ZSCAN5A: variants seen among roughly 807,000 people sequenced by gnomAD.
ZSCAN5A encodes the protein zinc finger and SCAN domain-containing protein 5A.
ZSCAN5A carries 12 observed loss-of-function variants against 23.7 expected under a neutral mutation model. The observed-to-expected ratio is 0.51, with a 90% CI of 0.32 to 0.82. The LOEUF is 0.82. Ranked by LOEUF, ZSCAN5A falls within the 40% of genes least tolerant of loss-of-function variation. The probability of loss-of-function intolerance (pLI) is 0.03; values close to 1 mark genes in which losing one functional copy is unlikely to be tolerated. For missense variants in ZSCAN5A, 597 were observed against 617.9 expected (o/e 0.97, Z 0.36); for synonymous variants, 257 against 239.9 (o/e 1.07, Z -0.66).
intron 2 of ZSCAN5A, chr19:56,347,832 CA>C (rs1243886078): frequency 1.3e-5 from 2 of 152,266 alleles, no homozygotes; most frequent in Non-Finnish European, 2.9e-5. Context: ...TAATATGGAC[CA>C]GGAGGAGGAT....
At chr19:56,245,868 T>C (rs1359573785) in intron 2 of ZSCAN5A, among the ~76,000 whole-genome samples, 2 of 151,954 alleles carry the variant, frequency 1.3e-5, no homozygotes, top group Non-Finnish European at 2.9e-5. Flanking sequence ...TGTGTGTCAT[T>C]GTAGGGGGTG....
intron 2 of ZSCAN5A, among the ~76,000 whole-genome samples, chr19:56,310,680 C>T (rs1327587866): frequency 6.6e-6 from 1 of 152,220 alleles, no homozygotes; most frequent in Non-Finnish European, 1.5e-5. Context: ...AGATTTGGGG[C>T]TGCCCCCACC....
chr19:56,346,845 G>A lies in ZSCAN5A; in HGVS notation c.-358+16390C>T, dbSNP rs557876215. Among the ~76,000 whole-genome samples, 539 of 151,950 alleles carry A rather than the reference G, an allele frequency of 3.5e-3. 4 individuals carry two copies. The highest frequency in any genetic ancestry group is 0.013 in the Admixed American group (202 of 15,268). On this transcript the variant is annotated intron_variant, in intron 2 of 6. Transcript: ENST00000587340. ...TGGGTTCACGCCATTCTCCTGCCTC[G>A]GCCTCCCGAGTAGCTGGGACTACAG...
intron 2 of ZSCAN5A, among the ~76,000 whole-genome samples, chr19:56,258,443 T>C (rs1262163839): frequency 7.0e-5 from 9 of 128,306 alleles, no homozygotes; most frequent in Non-Finnish European, 1.2e-4. Context: ...GTGTGGGTGT[T>C]GACAGACACA....
chr19:56,298,121 G>GT (rs2039998453), intron 2 of ZSCAN5A: 1 of 150,464 alleles, frequency 6.6e-6, no homozygotes, highest in African/African-American at 2.4e-5. Flanking sequence ...TTTGAAAAGC[G>GT]TAATACAAAT....
intron 2 of ZSCAN5A, chr19:56,228,131 A>G: frequency 2.8e-6 from 2 of 713,924 alleles, no homozygotes; most frequent in East Asian, 1.3e-4. Context: ...GGTGCAAAGG[A>G]GACCCGCTGC....
Position 56,221,441 on chromosome 19 carries a change from C to A in ZSCAN5A, c.*134G>T. 9.3e-7 allele frequency: 1 copy of A among 1,080,594 alleles called. No homozygotes were observed. The highest frequency in any genetic ancestry group is 1.9e-5 in the South Asian group (1 of 53,534). 66.9% of individuals were successfully genotyped at this position (1,080,594 alleles called of 1,614,324 possible). ...GGAGGACACATATTTACTCAAACAT[C>A]CTGGCAATTCATATCTAGGGCACTC... On this transcript the variant is annotated 3_prime_UTR_variant, in exon 6 of 6. Coordinates refer to ENST00000683990, the MANE Select transcript of ZSCAN5A (RefSeq NM_001322064.3).
intron 2 of ZSCAN5A, chr19:56,302,184 G>A (rs961283329): frequency 4.2e-5 from 42 of 997,692 alleles, no homozygotes; most frequent in Non-Finnish European, 5.4e-5. Context: ...GAAGGAGGGT[G>A]CCTCAGAGGT....
At chr19:56,312,281 G>A (rs1001074882) in intron 2 of ZSCAN5A, 6 of 152,096 alleles carry the variant, frequency 3.9e-5, no homozygotes, top group African/African-American at 2.4e-5. Flanking sequence ...CAGGGTTAAA[G>A]GTTGTCTGAT....
intron 2 of ZSCAN5A, chr19:56,320,890 C>G (rs993234576): frequency 9.2e-6 from 7 of 764,138 alleles, no homozygotes; most frequent in African/African-American, 1.7e-5. Context: ...GTGTGGGGTT[C>G]CAATCTTTAC....
intron 2 of ZSCAN5A, among the ~76,000 whole-genome samples, chr19:56,356,950 T>C (rs2041703857): frequency 6.7e-6 from 1 of 148,970 alleles, no homozygotes. Context: ...AAAATTCTCA[T>C]AGCTTGGCAT....
chr19:56,287,619 C>G (rs578196891), intron 2 of ZSCAN5A, among the ~76,000 whole-genome samples: 6 of 152,230 alleles, frequency 3.9e-5, no homozygotes, highest in African/African-American at 1.4e-4. Context: ...GCCACGAAAC[C>G]AAGTACCAAT....
intron 2 of ZSCAN5A, 169 bp from the exon 3 acceptor site, chr19:56,225,342 A>C: frequency 2.5e-6 from 1 of 399,884 alleles, no homozygotes; most frequent in Non-Finnish European, 3.9e-6. Context: ...AATCTTAATG[A>C]CCCCTGGATT....
chr19:56,358,281 C>T (rs922469871), intron 2 of ZSCAN5A, among the ~76,000 whole-genome samples: 4 of 148,174 alleles, frequency 2.7e-5, no homozygotes, highest in African/African-American at 7.6e-5. Context: ...CTACCATACC[C>T]GTCTAATTTT....
chr19:56,331,187 C>T (rs1476060913), intron 2 of ZSCAN5A, among the ~76,000 whole-genome samples: 1 of 152,062 alleles, frequency 6.6e-6, no homozygotes, highest in Non-Finnish European at 1.5e-5. Context: ...TGCTGTTTTG[C>T]TTATCGTAGT....
At chr19:56,225,215 C>T (rs113342346) in intron 2 of ZSCAN5A, 42 bp from the exon 3 acceptor site, 22 of 1,410,086 alleles carry the variant, frequency 1.6e-5, no homozygotes, top group African/African-American at 1.3e-4. Context: ...TAAGTTACTA[C>T]TCCATCCATC....
At chr19:56,244,479 G>A (rs1479206890) in intron 2 of ZSCAN5A, 16 of 1,532,230 alleles carry the variant, frequency 1.0e-5, no homozygotes, top group Non-Finnish European at 1.1e-5. Flanking sequence ...GATGGGGGCT[G>A]CACGGTGCAG....
At chr19:56,315,310 G>A (rs146897013), upstream of ZSCAN5A, 7 of 152,442 alleles carry the variant, frequency 4.6e-5, no homozygotes, top group East Asian at 1.4e-3. Context: ...CTGCGTCCGT[G>A]AAGCCTAGAG....
chr19:56,254,091 T>C (rs4801695), intron 2 of ZSCAN5A, among the ~76,000 whole-genome samples: 88,032 of 150,140 alleles, frequency 0.59, 25,972 homozygotes, highest in South Asian at 0.63. Flanking sequence ...GTCTTCCTCT[T>C]CTGTTAGTGT....
Sources: allele counts gnomAD v4.1 joint callset (sites outside exome capture counted in the v4.1 genomes callset), GRCh38; gene constraint gnomAD v4.1.1; transcripts MANE v1.5; gene names NCBI Gene and HGNC (gene_info 2026-07-23, HGNC 2026-07-21).